The following COMMD1 variants were observed in gnomAD, a reference collection of about 807,000 sequenced individuals.
COMMD1 encodes copper metabolism domain containing 1.
In COMMD1, 10 loss-of-function variants were observed where a neutral mutation model predicts 17.2. That is an observed-to-expected ratio of 0.58 (90% CI 0.36 to 0.99). The LOEUF (loss-of-function observed/expected upper bound fraction) is 0.99, where lower values mean the gene tolerates loss of function less well. COMMD1 is among the 50% of genes least tolerant of loss of function. The probability of loss-of-function intolerance (pLI) is 0.01; values close to 1 mark genes in which losing one functional copy is unlikely to be tolerated. For synonymous variants in COMMD1, 97 were observed against 91.6 expected, an observed-to-expected ratio of 1.06 and a Z score of -0.34; for missense variants, 270 against 231.8, an observed-to-expected ratio of 1.17 and a Z score of -1.07.
At chr2:62,036,054 T>A (rs896637423) in intron 2 of COMMD1, among the ~76,000 whole-genome samples, 33 of 143,396 alleles carry the variant, frequency 2.3e-4, no homozygotes, top group East Asian at 4.1e-4. Context: ...ACCCTGTCTC[T>A]CACACACACA....
chr2:62,013,007 G>A (rs1190795381), intron 2 of COMMD1, among the ~76,000 whole-genome samples: 1 of 152,122 alleles, frequency 6.6e-6, no homozygotes, highest in African/African-American at 2.4e-5. Context: ...AATTAGCCTT[G>A]TTAAGAATTT....
intron 2 of COMMD1, among the ~76,000 whole-genome samples, chr2:62,053,317 G>A (rs1670591867): frequency 6.6e-6 from 1 of 151,942 alleles, no homozygotes; most frequent in African/African-American, 2.4e-5. Flanking sequence ...TATTTTTGGA[G>A]GTACTCGTCG....
intron 2 of COMMD1, among the ~76,000 whole-genome samples, chr2:62,091,456 T>G (rs1465980738): frequency 6.6e-6 from 1 of 152,240 alleles, no homozygotes; most frequent in Non-Finnish European, 1.5e-5. Context: ...CATTGTATAC[T>G]GATGGCATTT....
chr2:61,996,107 A>G (rs1337157207), intron 1 of COMMD1, among the ~76,000 whole-genome samples: 1 of 152,170 alleles, frequency 6.6e-6, no homozygotes, highest in African/African-American at 2.4e-5. Context: ...CTGAAGTCAG[A>G]GGATTACTTG....
chr2:61,946,488 TC>T (rs1241124542), intron 1 of COMMD1, among the ~76,000 whole-genome samples: 2 of 152,138 alleles, frequency 1.3e-5, no homozygotes, highest in African/African-American at 4.8e-5. Context: ...AGACACAGAA[TC>T]TTTGTTTCCT....
upstream of COMMD1, among the ~76,000 whole-genome samples, chr2:61,904,295 G>A (rs1056727948): frequency 2.6e-5 from 4 of 152,234 alleles, no homozygotes; most frequent in Non-Finnish European, 5.9e-5. Flanking sequence ...AGAGGCGTGA[G>A]CCACCGTGCC....
In COMMD1 at chr2:62,136,027, C is replaced by T. The variant is rs1179594337; in HGVS notation, c.*86C>T. ...GACCTTTTCTAAGAAAATTCTTGTG[C>T]CCGCATTGGTATTAAATCCTCGCAT... On this transcript the variant is annotated 3_prime_UTR_variant, in exon 3 of 3. Coordinates refer to ENST00000311832, the MANE Select transcript of COMMD1 (RefSeq NM_152516.4). 1.1e-5 allele frequency: 8 copies of T among 757,350 alleles called. No individual in the cohort carries two copies. In the Admixed American group the frequency reaches 1.1e-4, roughly 10 times the overall value. 46.9% of individuals were successfully genotyped at this position (757,350 alleles called of 1,614,324 possible).
rs772454952 is a variant in COMMD1, at chr2:62,115,832, TTTTC to T, written c.463-19971_463-19968del. On this transcript the variant is annotated intron_variant, in intron 2 of 2. Coordinates refer to ENST00000311832, the MANE Select transcript of COMMD1 (RefSeq NM_152516.4). Reference sequence around the variant, plus strand: ...AAGTCATAATTTTGGTGGGTTTTTTTTTTCTTTCTTTCTTTCTTTCTTTCTTTCT... The same window carrying T: ...AAGTCATAATTTTGGTGGGTTTTTTTTTTCTTTCTTTCTTTCTTTCTTTCT... Among the ~76,000 whole-genome samples the T allele has an allele frequency of 5.6e-3, 759 of 135,156 alleles. 7 individuals carry two copies. Among genetic ancestry groups the T allele is most frequent in the South Asian group, 0.015 (68 of 4,460 alleles). 88.7% of individuals were successfully genotyped at this position (135,156 alleles called of 152,430 possible). A position where few individuals can be genotyped will look rare whatever the true frequency, so the allele number is the denominator to read the frequency against.
intron 1 of COMMD1, among the ~76,000 whole-genome samples, chr2:61,940,332 C>G (rs1313386234): frequency 1.3e-5 from 2 of 152,090 alleles, no homozygotes; most frequent in African/African-American, 4.8e-5. Flanking sequence ...CATACAGTAC[C>G]CATTTTCATA....
intron 2 of COMMD1, among the ~76,000 whole-genome samples, chr2:62,047,616 G>A (rs1670416602): frequency 6.6e-6 from 1 of 151,878 alleles, no homozygotes; most frequent in South Asian, 2.1e-4. Context: ...CACCACACTG[G>A]GCTAATTTTT....
intron 1 of COMMD1, among the ~76,000 whole-genome samples, chr2:61,939,676 CAGAA>C (rs920639286): frequency 9.2e-5 from 14 of 152,254 alleles, no homozygotes; most frequent in Middle Eastern, 3.4e-3. Flanking sequence ...TTGGACAACT[CAGAA>C]AGGTAAATTT....
chr2:62,130,837 G>A (rs757730090), intron 2 of COMMD1, among the ~76,000 whole-genome samples: 1 of 152,226 alleles, frequency 6.6e-6, no homozygotes, highest in Non-Finnish European at 1.5e-5. Context: ...TATTTAGTGT[G>A]TAGATGGATA....
chr2:61,943,865 T>C (rs1276837458), intron 1 of COMMD1, among the ~76,000 whole-genome samples: 2 of 151,976 alleles, frequency 1.3e-5, no homozygotes, highest in African/African-American at 4.8e-5. Flanking sequence ...AAACAAAAAA[T>C]GACCAGCTCC....
intron 2 of COMMD1, among the ~76,000 whole-genome samples, chr2:62,053,632 G>A (rs188367736): frequency 5.9e-5 from 9 of 152,244 alleles, no homozygotes; most frequent in South Asian, 2.1e-4. Context: ...TTGAATTGAC[G>A]ATAATCATCC....
chr2:61,902,637 C>T (rs1669681665), upstream of COMMD1, among the ~76,000 whole-genome samples: 1 of 151,966 alleles, frequency 6.6e-6, no homozygotes, highest in East Asian at 1.9e-4. Context: ...TTAAGAAATG[C>T]GAATTAAAAC....
chr2:62,012,258 AACACACACACATACACACACAC>A (rs1199039844), intron 2 of COMMD1, among the ~76,000 whole-genome samples: 87 of 102,328 alleles, frequency 8.5e-4, no homozygotes, highest in African/African-American at 3.3e-3. Flanking sequence ...CCTTGTCTCA[AACACACACACATACACACACAC>A]ACACACACAC....
At chr2:62,090,059 G>A (rs1671783141) in intron 2 of COMMD1, among the ~76,000 whole-genome samples, 1 of 152,048 alleles carries the variant, frequency 6.6e-6, no homozygotes, top group East Asian at 1.9e-4. Context: ...ATAGTTTAAG[G>A]GGTGAGATGG....
chr2:62,113,307 G>A (rs977516656), intron 2 of COMMD1, among the ~76,000 whole-genome samples: 2 of 152,066 alleles, frequency 1.3e-5, no homozygotes, highest in Non-Finnish European at 2.9e-5. Context: ...AGCTATGATT[G>A]TGCCACTGCA....
intron 1 of COMMD1, among the ~76,000 whole-genome samples, chr2:61,892,692 C>T (rs1303258938): frequency 3.5e-5 from 5 of 143,006 alleles, no homozygotes; most frequent in Non-Finnish European, 7.5e-5. Context: ...GAAACTCTGT[C>T]TCAAAAAAAA....
Sources: gnomAD v4.1 joint callset for allele counts (sites outside exome capture counted in the v4.1 genomes callset) on GRCh38, gnomAD v4.1.1 for gene constraint, MANE v1.5 for transcripts, NCBI Gene and HGNC (gene_info 2026-07-23, HGNC 2026-07-21) for gene names.